BCAS4: variants seen among roughly 807,000 people sequenced by gnomAD.
The protein encoded by BCAS4 is breast carcinoma amplified sequence 4, also known as breast carcinoma-amplified sequence 4.
Under a neutral mutation model 15.7 loss-of-function variants are expected in BCAS4, and 9 were observed. The ratio of observed to expected loss-of-function variants is 0.57; its 90% CI spans 0.34 to 1.00. BCAS4 has a LOEUF of 1.00. Ranked by LOEUF, BCAS4 falls within the 50% of genes least tolerant of loss-of-function variation. BCAS4 has a pLI of 0.02. For synonymous variants in BCAS4, 101 were observed against 99.5 expected, an observed-to-expected ratio of 1.02 and a Z score of -0.09; for missense variants, 225 against 239.1, an observed-to-expected ratio of 0.94 and a Z score of 0.39.
intron 3 of BCAS4, among the ~76,000 whole-genome samples, chr20:50,833,859 G>A (rs139540165): frequency 1.3e-5 from 2 of 152,322 alleles, no homozygotes; most frequent in Non-Finnish European, 2.9e-5. Flanking sequence ...GCCGGGTGGG[G>A]TGGGTCAGCC....
At chr20:50,816,621 A>G (rs896648160) in intron 1 of BCAS4, among the ~76,000 whole-genome samples, 3 of 151,926 alleles carry the variant, frequency 2.0e-5, no homozygotes, top group Non-Finnish European at 4.4e-5. Flanking sequence ...TGTTTCACTC[A>G]TTTATGTTAA....
chr20:50,802,262 G>A (rs371544477), intron 1 of BCAS4, among the ~76,000 whole-genome samples: 5 of 152,274 alleles, frequency 3.3e-5, no homozygotes, highest in African/African-American at 9.6e-5. Flanking sequence ...TGGGGGGACC[G>A]CAGTGGCAGC....
intron 4 of BCAS4, among the ~76,000 whole-genome samples, chr20:50,865,546 C>A (rs1432009044): frequency 2.0e-5 from 3 of 152,166 alleles, no homozygotes; most frequent in Non-Finnish European, 4.4e-5. Flanking sequence ...CAGGAACCTT[C>A]CAGAGCTGCC....
intron 4 of BCAS4, among the ~76,000 whole-genome samples, chr20:50,858,368 G>A (rs747096672): frequency 1.3e-5 from 2 of 152,244 alleles, no homozygotes; most frequent in Admixed American, 6.5e-5. Flanking sequence ...TTGGGAGGCC[G>A]AGGTGGGTGG....
At chr20:50,825,347 A>G (rs541800886) in intron 2 of BCAS4, among the ~76,000 whole-genome samples, 1 of 152,258 alleles carries the variant, frequency 6.6e-6, no homozygotes, top group African/African-American at 2.4e-5. Context: ...CTCTCAAAGA[A>G]TTGGGATTAC....
intron 4 of BCAS4, among the ~76,000 whole-genome samples, chr20:50,850,050 G>A (rs993102710): frequency 1.3e-5 from 2 of 152,210 alleles, no homozygotes; most frequent in African/African-American, 4.8e-5. Flanking sequence ...CTGATGACCT[G>A]TACCTCTTCG....
At chr20:50,843,036 C>T (rs1257511136) in intron 4 of BCAS4, among the ~76,000 whole-genome samples, 2 of 152,164 alleles carry the variant, frequency 1.3e-5, no homozygotes, top group East Asian at 1.9e-4. Flanking sequence ...CCTAGCTCAT[C>T]GCAGCCTGGA....
chr20:50,828,659 G>T lies in BCAS4; in HGVS notation c.163-1620G>T, dbSNP rs147206394. 7.5e-3 allele frequency among the ~76,000 whole-genome samples: 1,144 copies of T among 152,134 alleles called. 4 individuals are homozygous for T. Among genetic ancestry groups the T allele is most frequent in the Non-Finnish European group, 0.011 (724 of 67,980 alleles). ...GCAGGCATGGTGGTGCGTGCCTGTG[G>T]TCCCAGCTACTCGGGAGGCTGAGGC... is the stretch of plus-strand genomic sequence containing the variant. On this transcript the variant is annotated intron_variant, in intron 2 of 4. Transcript: ENST00000371608.
At chr20:50,847,339 G>A (rs541211184) in intron 4 of BCAS4, among the ~76,000 whole-genome samples, 1 of 152,048 alleles carries the variant, frequency 6.6e-6, no homozygotes. Flanking sequence ...CACCCACCTC[G>A]GCCTCCCAAA....
intron 4 of BCAS4, among the ~76,000 whole-genome samples, chr20:50,852,509 G>A (rs1314382321): frequency 1.3e-5 from 2 of 152,106 alleles, no homozygotes; most frequent in Non-Finnish European, 2.9e-5. Flanking sequence ...AGCCTCCTAA[G>A]TAGCTGAGAC....
At chr20:50,858,725 A>ATTTTTTT (rs58684022) in intron 4 of BCAS4, among the ~76,000 whole-genome samples, 1 of 117,612 alleles carries the variant, frequency 8.5e-6, no homozygotes, top group Non-Finnish European at 1.7e-5. Flanking sequence ...TTTTTCTTGA[A>ATTTTTTT]TTTTTTTTTT....
intron 3 of BCAS4, among the ~76,000 whole-genome samples, chr20:50,835,623 C>A (rs1187816200): frequency 6.6e-6 from 1 of 152,102 alleles, no homozygotes; most frequent in East Asian, 1.9e-4. Flanking sequence ...TGTTAGAAGA[C>A]CAACCCCAAG....
intron 4 of BCAS4, among the ~76,000 whole-genome samples, chr20:50,864,043 G>A (rs997442847): frequency 3.3e-5 from 5 of 152,178 alleles, no homozygotes; most frequent in African/African-American, 1.2e-4. Flanking sequence ...CTTGTTCCGT[G>A]CCCAGGGCTC....
chr20:50,814,306 G>A (rs1162802959), intron 1 of BCAS4, among the ~76,000 whole-genome samples: 1 of 152,154 alleles, frequency 6.6e-6, no homozygotes, highest in Non-Finnish European at 1.5e-5. Context: ...TCTTGTTTTT[G>A]TTTTGAGACA....
chr20:50,876,798 C>G lies in BCAS4; in HGVS notation c.*190C>G. On this transcript the variant is annotated 3_prime_UTR_variant, in exon 5 of 5. Transcript: ENST00000371608. ...GGCTCAAGTGATCCACCCACCTTGG[C>G]CTTCCAAAGTGGTGGGATTATGGGC... 1.5e-6 allele frequency: 1 copy of G among 682,116 alleles called. No individual in the cohort carries two copies. The highest frequency in any genetic ancestry group is 2.1e-6 in the Non-Finnish European group (1 of 487,386). 42.3% of individuals were successfully genotyped at this position (682,116 alleles called of 1,614,324 possible).
intron 4 of BCAS4, among the ~76,000 whole-genome samples, chr20:50,869,404 A>G (rs890269969): frequency 1.3e-5 from 2 of 152,176 alleles, no homozygotes; most frequent in African/African-American, 2.4e-5. Flanking sequence ...CCAGCCTGTG[A>G]GTACAGGTAC....
chr20:50,818,292 T>TGCCTGGAAGGCATGGGTTTAG lies in BCAS4; in HGVS notation c.162+21_162+22insATGGGTTTAGGCCTGGAAGGC, dbSNP rs2088166289. 6.2e-7 allele frequency: 1 copy of TGCCTGGAAGGCATGGGTTTAG among 1,606,600 alleles called. No homozygotes were observed. The highest frequency in any genetic ancestry group is 8.5e-7 in the Non-Finnish European group (1 of 1,176,568). On this transcript the variant is annotated intron_variant, in intron 2 of 4. Transcript: ENST00000371608. ...CAGCCTGGCTGACCTGGTGAGTGGC[T>TGCCTGGAAGGCATGGGTTTAG]GCCTGGAAGGCGTGGGTTTAGGCCC...
At chr20:50,815,024 C>A (rs74856342) in intron 1 of BCAS4, among the ~76,000 whole-genome samples, 2 of 152,192 alleles carry the variant, frequency 1.3e-5, no homozygotes, top group African/African-American at 4.8e-5. Context: ...TGTGTCAGCA[C>A]TCTGTTAAAT....
At chr20:50,828,477 A>G (rs1170981331) in intron 2 of BCAS4, among the ~76,000 whole-genome samples, 4 of 152,158 alleles carry the variant, frequency 2.6e-5, no homozygotes, top group Non-Finnish European at 5.9e-5. Flanking sequence ...TTTCAAAAAA[A>G]AATTTTAAAT....
Sources: allele counts gnomAD v4.1 joint callset (sites outside exome capture counted in the v4.1 genomes callset), GRCh38; gene constraint gnomAD v4.1.1; transcripts MANE v1.5; gene names NCBI Gene and HGNC (gene_info 2026-07-23, HGNC 2026-07-21).